GALNT13: variants seen among roughly 807,000 people sequenced by gnomAD.
GALNT13 encodes polypeptide N-acetylgalactosaminyltransferase 13.
In GALNT13, 28 loss-of-function variants were observed where a neutral mutation model predicts 64.2. The ratio of observed to expected loss-of-function variants is 0.44; its 90% CI spans 0.32 to 0.60. The LOEUF is 0.60. Ranked by LOEUF, GALNT13 falls within the 20% of genes least tolerant of loss-of-function variation. GALNT13 has a pLI of 0.05. For synonymous variants in GALNT13, 214 were observed against 224.6 expected (o/e 0.95, Z 0.42); for missense variants, 577 against 669.8 (o/e 0.86, Z 1.53).
the GALNT13 span, among the ~76,000 whole-genome samples, chr2:153,075,098 T>C: frequency 5.3e-5 from 8 of 152,280 alleles, no homozygotes; most frequent in East Asian, 1.9e-4. Context: ...TGAACCGTTT[T>C]AGTAGTTTTG....
At chr2:153,996,746 A>G (rs76670710) in intron 3 of GALNT13, among the ~76,000 whole-genome samples, 1 of 152,178 alleles carries the variant, frequency 6.6e-6, no homozygotes, top group East Asian at 1.9e-4. Flanking sequence ...ATTCTTCTTG[A>G]ATCAATTTTG....
chr2:153,771,988 G>A, the GALNT13 span, among the ~76,000 whole-genome samples: 1 of 152,200 alleles, frequency 6.6e-6, no homozygotes, highest in Non-Finnish European at 1.5e-5. Context: ...ATGTAGGCTG[G>A]TTCCAAGTCA....
chr2:153,904,982 G>A (rs1688459766), intron 2 of GALNT13, among the ~76,000 whole-genome samples: 1 of 151,716 alleles, frequency 6.6e-6, no homozygotes, highest in Admixed American at 6.6e-5. Flanking sequence ...TCTTTTAGGA[G>A]CCAACTTCTA....
chr2:154,441,729 A>C (rs1411303708), intron 12 of GALNT13: 1 of 152,140 alleles, frequency 6.6e-6, no homozygotes, highest in African/African-American at 2.4e-5. Flanking sequence ...GATTGTTGGA[A>C]TATCCAGAGA....
intron 4 of GALNT13, among the ~76,000 whole-genome samples, chr2:154,180,513 G>A (rs1208831055): frequency 7.2e-6 from 1 of 139,218 alleles, no homozygotes; most frequent in Non-Finnish European, 1.6e-5. Flanking sequence ...ATAAGTACCT[G>A]TTAAAAAAAT....
At chr2:153,200,147 C>T in the GALNT13 span, among the ~76,000 whole-genome samples, 1 of 152,142 alleles carries the variant, frequency 6.6e-6, no homozygotes, top group African/African-American at 2.4e-5. Flanking sequence ...TGAACCTCAC[C>T]CTTGAGACTG....
intron 4 of GALNT13, among the ~76,000 whole-genome samples, chr2:154,161,321 G>T (rs1684711910): frequency 6.6e-6 from 1 of 152,040 alleles, no homozygotes; most frequent in Admixed American, 6.6e-5. Flanking sequence ...CTTCATTTAA[G>T]AGATCTAAAA....
chr2:153,388,582 T>C, the GALNT13 span, among the ~76,000 whole-genome samples: 1 of 152,102 alleles, frequency 6.6e-6, no homozygotes, highest in Admixed American at 6.6e-5. Flanking sequence ...CTAAAAAGGA[T>C]TAACCATGAA....
chr2:154,284,038 T>C (rs1692116116), intron 8 of GALNT13, among the ~76,000 whole-genome samples: 1 of 152,224 alleles, frequency 6.6e-6, no homozygotes, highest in Non-Finnish European at 1.5e-5. Context: ...ATACATTGTG[T>C]TGTTAGATCT....
At chr2:153,426,639 TC>T in the GALNT13 span, among the ~76,000 whole-genome samples, 1 of 152,084 alleles carries the variant, frequency 6.6e-6, no homozygotes, top group African/African-American at 2.4e-5. Flanking sequence ...CTCAAATTCT[TC>T]CAGAAAACCC....
At chr2:153,922,352 A>G (rs1689815878) in intron 2 of GALNT13, among the ~76,000 whole-genome samples, 1 of 152,234 alleles carries the variant, frequency 6.6e-6, no homozygotes, top group Admixed American at 6.5e-5. Flanking sequence ...GCTTTTCAAA[A>G]TCAAAAGAAA....
At chr2:154,402,897 A>C (rs1699360885) in intron 10 of GALNT13, among the ~76,000 whole-genome samples, 2 of 152,152 alleles carry the variant, frequency 1.3e-5, no homozygotes, top group African/African-American at 4.8e-5. Context: ...ATCATCCTAA[A>C]TTTGATTATC....
At chr2:153,560,373 G>A in the GALNT13 span, among the ~76,000 whole-genome samples, 3 of 151,664 alleles carry the variant, frequency 2.0e-5, no homozygotes, top group Admixed American at 6.6e-5. Flanking sequence ...ATTACTTAAC[G>A]CTAGACGAAT....
At chr2:153,577,860 ATG>A in the GALNT13 span, among the ~76,000 whole-genome samples, 1 of 150,848 alleles carries the variant, frequency 6.6e-6, no homozygotes, top group South Asian at 2.1e-4. Context: ...TGGATATTGA[ATG>A]AACTTTATTC....
At chr2:153,768,946 TTA>T in the GALNT13 span, among the ~76,000 whole-genome samples, 4 of 152,176 alleles carry the variant, frequency 2.6e-5, no homozygotes, top group Non-Finnish European at 5.9e-5. Context: ...TTCATTTGTG[TTA>T]TATATATTTT....
intron 4 of GALNT13, among the ~76,000 whole-genome samples, chr2:154,203,051 G>A (rs947968544): frequency 6.6e-6 from 1 of 152,086 alleles, no homozygotes; most frequent in African/African-American, 2.4e-5. Flanking sequence ...GAAAGTTCCA[G>A]TCTGTACTTG....
chr2:154,185,467 G>A (rs935877813), intron 4 of GALNT13, among the ~76,000 whole-genome samples: 23 of 151,540 alleles, frequency 1.5e-4, no homozygotes, highest in Admixed American at 5.3e-4. Context: ...TATCCCTTCC[G>A]AGATTCTCAT....
chr2:154,378,052 G>A (rs1242873794), intron 9 of GALNT13, among the ~76,000 whole-genome samples: 2 of 151,978 alleles, frequency 1.3e-5, no homozygotes, highest in South Asian at 2.1e-4. Flanking sequence ...TGTCCTTATG[G>A]AGTGCCCCCA....
At chr2:153,956,342 A>G (rs1030771163) in intron 3 of GALNT13, among the ~76,000 whole-genome samples, 4 of 152,234 alleles carry the variant, frequency 2.6e-5, no homozygotes, top group African/African-American at 9.6e-5. Context: ...GTAATTTAGC[A>G]AATCAATACC....
Sources: allele counts gnomAD v4.1 joint callset (sites outside exome capture counted in the v4.1 genomes callset), GRCh38; gene constraint gnomAD v4.1.1; transcripts MANE v1.5; gene names NCBI Gene and HGNC (gene_info 2026-07-23, HGNC 2026-07-21).